The following RARRES2 variants were observed in gnomAD, a reference collection of about 807,000 sequenced individuals.
The protein encoded by RARRES2 is retinoic acid receptor responder protein 2.
Under a neutral mutation model 17.9 loss-of-function variants are expected in RARRES2, and 12 were observed. That is an observed-to-expected ratio of 0.67 (90% CI 0.43 to 1.08). The LOEUF (loss-of-function observed/expected upper bound fraction) is 1.08. Among genes scored for constraint, RARRES2 ranks in the 50% least tolerant of loss-of-function variants. The pLI, the probability that RARRES2 is intolerant of heterozygous loss-of-function variation, is 0.00. For missense variants in RARRES2, 220 were observed against 210.1 expected (o/e 1.05, Z -0.29); for synonymous variants, 82 against 86.8 (o/e 0.94, Z 0.31).
At chr7:150,339,202 C>T (rs1375356195) in intron 3 of RARRES2, 121 bp from the exon 4 acceptor site, 2 of 929,734 alleles carry the variant, frequency 2.2e-6, no homozygotes, top group African/African-American at 1.6e-5. Context: ...GGCCCTCGAG[C>T]CCAGGAGCAA....
chr7:150,340,454 C>T lies in RARRES2; in HGVS notation c.156G>A (p.Val52=), dbSNP rs1188314610. The T allele has an allele frequency of 6.2e-7, 1 of 1,608,216 alleles. No individual in the cohort carries two copies. The highest frequency in any genetic ancestry group is 8.5e-7 in the Non-Finnish European group (1 of 1,176,792). The change falls in exon 2 of 6, where the codon GTG becomes GTA. Residue 52 remains valine (V), a synonymous_variant. Transcript: ENST00000223271. ...PVQWAFQETS[V]ESAVDTPFPA... is the part of the protein sequence containing the mutation. Reference sequence around the variant, plus strand: ...TACTCACCGTGTCCACGGCGCTCTCCACACTGGTCTCCTGGAAGGCCCACT... The same window carrying T: ...TACTCACCGTGTCCACGGCGCTCTCTACACTGGTCTCCTGGAAGGCCCACT...
rs766010672 is a variant in RARRES2, at chr7:150,340,147, GGCAGCTTGTCTGCT to G, written c.218_231del (p.Gln73ProfsTer30). 6.2e-7 allele frequency: 1 copy of G among 1,614,002 alleles called. No individual in the cohort carries two copies. Among genetic ancestry groups the G allele is most frequent in the Non-Finnish European group, 8.5e-7 (1 of 1,180,024 alleles). On this transcript the variant is annotated frameshift_variant, in exon 3 of 6. Coordinates refer to ENST00000223271, the MANE Select transcript of RARRES2 (RefSeq NM_002889.4). LOFTEE classifies it high-confidence loss of function. ...TCGGGTTTCTTCCAGTCCCTCTTCC[GGCAGCTTGTCTGCT>G]GCAGCTTAAATTCCAGCCTCACAAA...
chr7:150,340,177 G>T lies in RARRES2; in HGVS notation c.202C>A (p.Leu68Met). 1.9e-6 allele frequency: 3 copies of T among 1,614,160 alleles called. No homozygotes were observed. The highest frequency in any genetic ancestry group is 2.5e-6 in the Non-Finnish European group (3 of 1,180,038). ...TPFPAGIFVR[L>M]EFKLQQTSCR... Reference sequence around the variant, plus strand: ...CTTGTCTGCTGCAGCTTAAATTCCAGCCTCACAAATATTCCAGCTGGGAAG... The same window carrying T: ...CTTGTCTGCTGCAGCTTAAATTCCATCCTCACAAATATTCCAGCTGGGAAG... Residue 68 changes from leucine to methionine, a missense_variant, in exon 3 of 6, where the codon CTG becomes ATG. Leu to Met is a conservative substitution (Grantham distance 15, BLOSUM62 2). Transcript: ENST00000223271.
At chr7:150,340,727 T>G (rs57367026) in intron 1 of RARRES2, 98 bp from the exon 2 acceptor site, 302,876 of 1,087,132 alleles carry the variant, frequency 0.28, 45,343 homozygotes, top group African/African-American at 0.54. Flanking sequence ...GGGGGCGGGG[T>G]CCAGGCCTGT....
In RARRES2 at chr7:150,340,599, A is replaced by G; in HGVS notation, c.11T>C (p.Leu4Pro). MRR[L>P]LIPLALWLGA... ...CAGCCACAGGGCCAGAGGGATCAGC[A>G]GCCGTCGCATGCTTCCGTGTCACCC... Residue 4 changes from leucine to proline, a missense_variant, in exon 2 of 6, where the codon CTG becomes CCG. Coordinates refer to ENST00000223271, the MANE Select transcript of RARRES2 (RefSeq NM_002889.4). 1 of 1,528,900 alleles carries G rather than the reference A, an allele frequency of 6.5e-7. No homozygotes were observed. The highest frequency in any genetic ancestry group is 1.2e-5 in the South Asian group (1 of 83,606). 94.7% of individuals were successfully genotyped at this position (1,528,900 alleles called of 1,614,324 possible). A position where few individuals can be genotyped will look rare whatever the true frequency, so the allele number is the denominator to read the frequency against.
At chr7:150,339,744 A>AG (rs1216349985) in intron 3 of RARRES2, among the ~76,000 whole-genome samples, 2 of 151,856 alleles carry the variant, frequency 1.3e-5, no homozygotes, top group Non-Finnish European at 2.9e-5. Context: ...CTGCTAGGCT[A>AG]GGGGGGCACC....
At position 150,340,121 on chromosome 7, in the gene RARRES2, C is replaced by G. The variant is rs1194114355; in HGVS notation, c.258G>C (p.Glu86Asp). ...TCACCCCATTGGGCCTGACTTTGCA[C>G]TCGGGTTTCTTCCAGTCCCTCTTCC... ...SCRKRDWKKP[E>D]CKVRPNGRKR... The change falls in exon 3 of 6, where the codon GAG becomes GAC. Residue 86 changes from glutamate to aspartate, a missense_variant. Transcript: ENST00000223271. 6.2e-7 allele frequency: 1 copy of G among 1,614,186 alleles called. No individual in the cohort carries two copies. Among genetic ancestry groups the G allele is most frequent in the African/African-American group, 1.3e-5 (1 of 75,052 alleles).
In RARRES2 at chr7:150,340,700, G is replaced by A. The variant is rs1033227134; in HGVS notation, c.-20-71C>T. On this transcript the variant is annotated intron_variant, in intron 1 of 5. Transcript: ENST00000223271. ...CCGCCTCCTCCCGCGCCCTGCTCTG[G>A]GGGGAGGGTGGGGAGCGGGGGCGGG... 13 of 1,318,152 alleles carry A rather than the reference G, an allele frequency of 9.9e-6. No individual in the cohort carries two copies. The South Asian group carries it at 2.1e-4, about 21-fold the overall frequency. 81.7% of individuals were successfully genotyped at this position (1,318,152 alleles called of 1,614,324 possible). A position where few individuals can be genotyped will look rare whatever the true frequency, so the allele number is the denominator to read the frequency against.
At chr7:150,340,698 T>G in intron 1 of RARRES2, 69 bp from the exon 2 acceptor site, 1 of 1,335,762 alleles carries the variant, frequency 7.5e-7, no homozygotes, top group Non-Finnish European at 9.8e-7. Context: ...CGCCCTGCTC[T>G]GGGGGGAGGG....
Position 150,340,435 on chromosome 7 carries a change from C to A in RARRES2, c.174+1G>T. 6.3e-7 allele frequency: 1 copy of A among 1,596,614 alleles called. No individual in the cohort carries two copies. The highest frequency in any genetic ancestry group is 8.6e-7 in the Non-Finnish European group (1 of 1,169,072). On this transcript the variant is annotated splice_donor_variant, in intron 2 of 5. Transcript: ENST00000223271. LOFTEE classifies it high-confidence loss of function. ...GCTCCTGCCCGGGCCATGCTACTCACCGTGTCCACGGCGCTCTCCACACTG... is the reference window on the plus strand; with the variant it reads ...GCTCCTGCCCGGGCCATGCTACTCAACGTGTCCACGGCGCTCTCCACACTG...
chr7:150,339,097 G>A lies in RARRES2; in HGVS notation c.280-16C>T. ...TCCGTTTCCTCTGTGGGGGAGCGGG[G>A]AGCATGGGGTGAGCAGAGGAAAAGG... On this transcript the variant is annotated splice_polypyrimidine_tract_variant and intron_variant, in intron 3 of 5. Transcript: ENST00000223271. 1 of 1,574,790 alleles carries A rather than the reference G, an allele frequency of 6.4e-7. No individual in the cohort carries two copies. The highest frequency in any genetic ancestry group is 8.7e-7 in the Non-Finnish European group (1 of 1,144,488).
chr7:150,340,689 G>T, intron 1 of RARRES2, 60 bp from the exon 2 acceptor site: 1 of 1,383,458 alleles, frequency 7.2e-7, no homozygotes, highest in Non-Finnish European at 9.5e-7. Flanking sequence ...CTCCTCCCGC[G>T]CCCTGCTCTG....
chr7:150,341,481 T>C (rs1798489005), intron 1 of RARRES2, 97 bp downstream of exon 1: 1 of 151,954 alleles, frequency 6.6e-6, no homozygotes, highest in South Asian at 2.1e-4. Flanking sequence ...AGTGAAGAGC[T>C]GCCAGGGTGG....
chr7:150,338,653 G>C lies in RARRES2; in HGVS notation c.464C>G (p.Ala155Gly). 1 of 1,555,226 alleles carries C rather than the reference G, an allele frequency of 6.4e-7. No homozygotes were observed. The highest frequency in any genetic ancestry group is 8.7e-7 in the Non-Finnish European group (1 of 1,148,826). ...PHSFYFPGQF[A>G]FSKALPRS ...GCTGCGGGGCAGGGCCTTGGAGAAGGCGAACTGTCCAGGGAAGTAGAAGCT... is the reference window on the plus strand; with the variant it reads ...GCTGCGGGGCAGGGCCTTGGAGAAGCCGAACTGTCCAGGGAAGTAGAAGCT... The change falls in exon 5 of 6, where the codon GCC becomes GGC. Residue 155 changes from alanine (A) to glycine (G), a missense_variant. Ala to Gly is a moderately conservative substitution (Grantham distance 60). Coordinates refer to ENST00000223271, the MANE Select transcript of RARRES2 (RefSeq NM_002889.4).
chr7:150,338,502 T>C, intron 5 of RARRES2, 63 bp from the exon 6 acceptor site: 1 of 1,518,134 alleles, frequency 6.6e-7, no homozygotes, highest in Non-Finnish European at 8.8e-7. Flanking sequence ...GTCCCAGCTT[T>C]CCTCCCAGGC....
intron 4 of RARRES2, 50 bp downstream of exon 4, chr7:150,338,936 A>G: frequency 6.4e-7 from 1 of 1,557,706 alleles, no homozygotes; most frequent in Non-Finnish European, 8.9e-7. Context: ...CTCAGCTTCC[A>G]TCCATCTTCC....
intron 2 of RARRES2, 71 bp from the exon 3 acceptor site, chr7:150,340,275 C>G: frequency 6.4e-7 from 1 of 1,567,438 alleles, no homozygotes. Flanking sequence ...CTGGTGTGAT[C>G]CGCACCTCCC....
chr7:150,340,409 C>G (rs557739492), intron 2 of RARRES2, 27 bp downstream of exon 2: 3 of 1,573,434 alleles, frequency 1.9e-6, no homozygotes, highest in Non-Finnish European at 2.6e-6. Flanking sequence ...CGACCCTCCC[C>G]GCTCCTGCCC....
rs762198113 is a variant in RARRES2, at chr7:150,340,542, G to C, written c.68C>G (p.Thr23Arg). The stretch of plus-strand genomic sequence containing the variant: ...CTGCAGGCCCCGGCGCTGGGCTTCC[G>C]TGAGCTCGGCGACGCCCACGCCCAC... ...GAVGVGVAEL[T>R]EAQRRGLQVA... Residue 23 changes from threonine to arginine, a missense_variant, in exon 2 of 6, where the codon ACG becomes AGG. By Grantham distance (71) the Thr-to-Arg change is moderately conservative. Coordinates refer to ENST00000223271, the MANE Select transcript of RARRES2 (RefSeq NM_002889.4). 8.2e-6 allele frequency: 13 copies of C among 1,579,144 alleles called. No individual in the cohort carries two copies. The highest frequency in any genetic ancestry group is 1.1e-5 in the Non-Finnish European group (13 of 1,163,326).
Sources: allele counts gnomAD v4.1 joint callset (sites outside exome capture counted in the v4.1 genomes callset), GRCh38; gene constraint gnomAD v4.1.1; transcripts MANE v1.5; gene names NCBI Gene and HGNC (gene_info 2026-07-23, HGNC 2026-07-21).